SLC47A1: variants seen among roughly 807,000 people sequenced by gnomAD.
The protein encoded by SLC47A1 is multidrug and toxin extrusion protein 1.
In SLC47A1, 58 loss-of-function variants were observed where a neutral mutation model predicts 65.8. The observed-to-expected ratio is 0.88, with a 90% CI of 0.71 to 1.10. The LOEUF (loss-of-function observed/expected upper bound fraction) is 1.10. SLC47A1 is among the 50% of genes least tolerant of loss of function. SLC47A1 has a pLI of 0.00. For missense variants in SLC47A1, 706 were observed against 719.2 expected, an observed-to-expected ratio of 0.98 and a Z score of 0.21; for synonymous variants, 285 against 295.0, an observed-to-expected ratio of 0.97 and a Z score of 0.35.
intron 16 of SLC47A1, among the ~76,000 whole-genome samples, chr17:19,573,761 C>T (rs935242664): frequency 6.6e-6 from 1 of 151,964 alleles, no homozygotes; most frequent in African/African-American, 2.4e-5. Flanking sequence ...AGAATGTTGT[C>T]TATTTATCTT....
intron 5 of SLC47A1, among the ~76,000 whole-genome samples, chr17:19,551,024 G>A (rs923654537): frequency 6.6e-6 from 1 of 152,288 alleles, no homozygotes; most frequent in Admixed American, 6.5e-5. Context: ...CAGTGTGCTC[G>A]CTTACTTATC....
At chr17:19,573,920 C>CTTTTTT (rs397856610) in intron 16 of SLC47A1, among the ~76,000 whole-genome samples, 1 of 122,424 alleles carries the variant, frequency 8.2e-6, no homozygotes, top group African/African-American at 3.1e-5. Context: ...CTGGTTCATG[C>CTTTTTT]TTTTTTTTTT....
chr17:19,566,036 G>A (rs1229181502), intron 12 of SLC47A1, among the ~76,000 whole-genome samples: 2 of 152,092 alleles, frequency 1.3e-5, no homozygotes, highest in African/African-American at 2.4e-5. Flanking sequence ...CTTTCCACCC[G>A]CTAGTTATTT....
At chr17:19,561,579 C>G (rs1269085976) in intron 12 of SLC47A1, among the ~76,000 whole-genome samples, 2 of 146,008 alleles carry the variant, frequency 1.4e-5, no homozygotes, top group Non-Finnish European at 3.0e-5. Flanking sequence ...GGAGGTGGAG[C>G]TTGCAGTGAG....
chr17:19,547,161 C>G (rs1916311330), intron 3 of SLC47A1: 1 of 152,504 alleles, frequency 6.6e-6, no homozygotes, highest in Non-Finnish European at 1.5e-5. Context: ...CAGCGATCCT[C>G]TTGCCTCAGC....
chr17:19,545,395 T>C (rs575618605), intron 2 of SLC47A1, among the ~76,000 whole-genome samples: 2 of 152,112 alleles, frequency 1.3e-5, no homozygotes, highest in Non-Finnish European at 2.9e-5. Context: ...GGTTTCACCA[T>C]ATTGGTCAGG....
chr17:19,560,559 G>T, intron 12 of SLC47A1, 66 bp downstream of exon 12: 1 of 1,533,098 alleles, frequency 6.5e-7, no homozygotes, highest in Non-Finnish European at 9.0e-7. Flanking sequence ...GAGAAAATTT[G>T]TTCTCTAAAA....
chr17:19,555,856 T>G lies in SLC47A1; in HGVS notation c.800T>G (p.Met267Arg), dbSNP rs748090543. The change falls in exon 9 of 17, where the codon ATG becomes AGG. Residue 267 changes from methionine to arginine, a missense_variant. Transcript: ENST00000270570. ...TTCCTCCGCCTGGCCATCCCCAGCA[T>G]GCTCATGCTGTGCATGGAGTGGTGG... ...ASFLRLAIPS[M>R]LMLCMEWWAY... The G allele has an allele frequency of 6.2e-7, 1 of 1,613,896 alleles. No homozygotes were observed. The highest frequency in any genetic ancestry group is 8.5e-7 in the Non-Finnish European group (1 of 1,180,020).
rs566129068 is a variant in SLC47A1, at chr17:19,577,829, T to C, written c.*276T>C. ...TCAATGTGCTGACTGCATTGGCCAA[T>C]GGCTTTGATACTTCTGCTATTTTTT... On this transcript the variant is annotated 3_prime_UTR_variant, in exon 17 of 17. Coordinates refer to ENST00000270570, the MANE Select transcript of SLC47A1 (RefSeq NM_018242.3). 7.7e-7 allele frequency: 1 copy of C among 1,296,748 alleles called. No individual in the cohort carries two copies. The highest frequency in any genetic ancestry group is 3.9e-5 in the East Asian group (1 of 25,392). The allele number at this position is 1,296,748 out of a possible 1,614,324, so 80.3% of individuals were successfully genotyped here.
chr17:19,568,580 T>G lies in SLC47A1; in HGVS notation c.1309+1352T>G, dbSNP rs2084377234. ...AGTTGTATACATTTATGGGGTACAG[T>G]GTGGTGTTTTGATATATGTATAAAA... On this transcript the variant is annotated intron_variant, in intron 14 of 16. Transcript: ENST00000270570. Among the ~76,000 whole-genome samples the G allele has an allele frequency of 4.6e-5, 7 of 152,350 alleles. 1 individual carries two copies. In the South Asian group the frequency reaches 1.4e-3, roughly 32 times the overall value.
intron 12 of SLC47A1, among the ~76,000 whole-genome samples, chr17:19,562,407 C>CA (rs1159716083): frequency 2.6e-5 from 4 of 151,332 alleles, no homozygotes; most frequent in Non-Finnish European, 4.4e-5. Context: ...ACTAAAAATA[C>CA]AAAAAAAATT....
chr17:19,539,206 CGGCCCAGTCT>C (rs1916073070), intron 1 of SLC47A1, among the ~76,000 whole-genome samples: 1 of 152,114 alleles, frequency 6.6e-6, no homozygotes, highest in South Asian at 2.1e-4. Flanking sequence ...CCACCGTGCC[CGGCCCAGTCT>C]GGCAATTTCT....
chr17:19,539,219 C>T (rs1230105866), intron 1 of SLC47A1, among the ~76,000 whole-genome samples: 3 of 152,116 alleles, frequency 2.0e-5, no homozygotes, highest in Non-Finnish European at 2.9e-5. Context: ...CCCAGTCTGG[C>T]AATTTCTGTC....
chr17:19,577,602 C>T lies in SLC47A1; in HGVS notation c.*49C>T. 1 of 1,608,126 alleles carries T rather than the reference C, an allele frequency of 6.2e-7. No individual in the cohort carries two copies. Among genetic ancestry groups the T allele is most frequent in the Non-Finnish European group, 8.5e-7 (1 of 1,176,642 alleles). ...CAAGTGATGCTTTTGAGCTTACACA[C>T]AATTCACAGGCCCACCAGTGACAAT... is the stretch of plus-strand genomic sequence containing the variant. On this transcript the variant is annotated 3_prime_UTR_variant, in exon 17 of 17. Transcript: ENST00000270570.
rs774207199 is a variant in SLC47A1 at position 19,572,816 on chromosome 17, C to A, written c.1441C>A (p.Pro481Thr). 1.9e-6 allele frequency: 3 copies of A among 1,614,112 alleles called. No homozygotes were observed. In the Admixed American group the frequency reaches 5.0e-5, roughly 27 times the overall value. Residue 481 changes from proline (P) to threonine (T), a missense_variant, in exon 16 of 17, where the codon CCT becomes ACT. Coordinates refer to ENST00000270570, the MANE Select transcript of SLC47A1 (RefSeq NM_018242.3). ...VHANLKVNNV[P>T]RSGNSALPQD... is the part of the protein sequence containing the mutation. ...CGCCAATTTGAAAGTAAACAACGTG[C>A]CTCGGAGTGGGAATTCTGCTCTCCC...
chr17:19,576,230 C>T (rs576207719), intron 16 of SLC47A1, among the ~76,000 whole-genome samples: 12 of 150,300 alleles, frequency 8.0e-5, no homozygotes, highest in African/African-American at 2.9e-4. Flanking sequence ...ACTCATTATA[C>T]CAGGGAGCCA....
At chr17:19,560,132 C>G in intron 10 of SLC47A1, 56 bp from the exon 11 acceptor site, 1 of 1,310,100 alleles carries the variant, frequency 7.6e-7, no homozygotes, top group South Asian at 1.3e-5. Flanking sequence ...CTTCTCTGCA[C>G]GTGTTCTCGC....
At position 19,567,190 on chromosome 17, in the gene SLC47A1, G is replaced by C. The variant is rs1229890399; in HGVS notation, c.1271G>C (p.Gly424Ala). 1 of 1,614,178 alleles carries C rather than the reference G, an allele frequency of 6.2e-7. No individual in the cohort carries two copies. ...IGYYVVGLPI[G>A]IALMFATTLG... ...TACTATGTGGTTGGCCTCCCCATCG[G>C]GATCGCGCTGATGTTTGCAACCACA... is the stretch of plus-strand genomic sequence containing the variant. Residue 424 changes from glycine (G) to alanine (A), a missense_variant, in exon 14 of 17, where the codon GGG (glycine) becomes GCG (alanine). By Grantham distance (60) the Gly-to-Ala change is moderately conservative. Transcript: ENST00000270570.
Position 19,534,089 on chromosome 17 carries a change from C to T in SLC47A1, c.135+15C>T. On this transcript the variant is annotated intron_variant, in intron 1 of 16. Transcript: ENST00000270570. ...CTGGCCCCGCGGTGAGTAAGGTGGCCTCAGTGGCAGGCCGGTACCGGCGGG... is the reference window on the plus strand; with the variant it reads ...CTGGCCCCGCGGTGAGTAAGGTGGCTTCAGTGGCAGGCCGGTACCGGCGGG... 15 of 1,521,130 alleles carry T rather than the reference C, an allele frequency of 9.9e-6. No homozygotes were observed. Among genetic ancestry groups the T allele is most frequent in the Non-Finnish European group, 1.3e-5 (15 of 1,132,806 alleles). The allele number at this position is 1,521,130 out of a possible 1,614,324, so 94.2% of individuals were successfully genotyped here.
Sources: allele counts gnomAD v4.1 joint callset (sites outside exome capture counted in the v4.1 genomes callset), GRCh38; gene constraint gnomAD v4.1.1; transcripts MANE v1.5; gene names NCBI Gene and HGNC (gene_info 2026-07-23, HGNC 2026-07-21).